Variants in NRXN1 observed in about 807,000 individuals in gnomAD.
NRXN1 encodes the protein neurexin-1.
In NRXN1, 39 loss-of-function variants were observed where a neutral mutation model predicts 150.9. That is an observed-to-expected ratio of 0.26 (90% CI 0.20 to 0.34). The LOEUF is 0.34. Ranked by LOEUF, NRXN1 falls within the 10% of genes least tolerant of loss-of-function variation. The pLI, the probability that NRXN1 is intolerant of heterozygous loss-of-function variation, is 1.00. For synonymous variants in NRXN1, 924 were observed against 757.0 expected, an observed-to-expected ratio of 1.22 and a Z score of -3.62; for missense variants, 1,815 against 1,949.9, an observed-to-expected ratio of 0.93 and a Z score of 1.30.
chr2:50,409,435 T>C (rs185763286), intron 17 of NRXN1, among the ~76,000 whole-genome samples: 158 of 152,372 alleles, frequency 1.0e-3, no homozygotes, highest in Admixed American at 2.2e-3. Flanking sequence ...TTGCTGTGTT[T>C]TTAGGCAGTG....
At chr2:50,452,615 G>C (rs2087079648) in intron 17 of NRXN1, among the ~76,000 whole-genome samples, 1 of 152,146 alleles carries the variant, frequency 6.6e-6, no homozygotes, top group South Asian at 2.1e-4. Context: ...GGAATTGCTG[G>C]TAAACTGGAA....
At chr2:50,115,566 G>A (rs901086516) in intron 18 of NRXN1, among the ~76,000 whole-genome samples, 2 of 151,898 alleles carry the variant, frequency 1.3e-5, no homozygotes, top group Non-Finnish European at 2.9e-5. Flanking sequence ...ACCAGTGAGG[G>A]GTATAAGTGA....
chr2:50,689,325 A>G (rs1309848001), intron 5 of NRXN1, among the ~76,000 whole-genome samples: 1 of 152,142 alleles, frequency 6.6e-6, no homozygotes, highest in East Asian at 1.9e-4. Context: ...GCCCTCAAAG[A>G]TTTCAACAAT....
At chr2:50,333,792 C>T (rs2076983984) in intron 17 of NRXN1, among the ~76,000 whole-genome samples, 1 of 151,904 alleles carries the variant, frequency 6.6e-6, no homozygotes, top group Non-Finnish European at 1.5e-5. Context: ...TTGGTCTCTG[C>T]ATTCTTGGCA....
intron 2 of NRXN1, among the ~76,000 whole-genome samples, chr2:50,938,924 T>C (rs1453985498): frequency 6.6e-6 from 1 of 151,990 alleles, no homozygotes; most frequent in Non-Finnish European, 1.5e-5. Context: ...AAAAATTAAA[T>C]GTAGGGGCTG....
chr2:51,027,577 C>A lies in NRXN1; in HGVS notation c.697G>T (p.Val233Leu). 1 of 1,606,422 alleles carries A rather than the reference C, an allele frequency of 6.2e-7. No homozygotes were observed. Among genetic ancestry groups the A allele is most frequent in the African/African-American group, 1.3e-5 (1 of 74,876 alleles). ...GCCTGGTCGTCCACCACGGAGCACA[C>A]ACCTCCGTTGAGGCACACCCCGCCC... ...GEGGVCLNGG[V>L]CSVVDDQAVC... Residue 233 changes from valine to leucine, a missense_variant, in exon 2 of 23, where the codon GTG becomes TTG. This residue lies in a region of NRXN1 where 554 missense variants were observed against 478.8 expected (regional missense o/e 1.16). Transcript: ENST00000401669.
chr2:50,725,532 T>A (rs1382066085), intron 5 of NRXN1, among the ~76,000 whole-genome samples: 2 of 152,154 alleles, frequency 1.3e-5, no homozygotes, highest in African/African-American at 4.8e-5. Flanking sequence ...CCACAAATCC[T>A]TTCCTTAAAA....
At chr2:50,034,825 T>C (rs1689773785) in intron 21 of NRXN1, among the ~76,000 whole-genome samples, 1 of 152,148 alleles carries the variant, frequency 6.6e-6, no homozygotes, top group African/African-American at 2.4e-5. Context: ...ATTTTCTATG[T>C]TGACTTACCT....
chr2:50,236,761 A>C (rs1410666355), intron 18 of NRXN1, 28 bp downstream of exon 18: 1 of 1,608,560 alleles, frequency 6.2e-7, no homozygotes, highest in African/African-American at 1.3e-5. Flanking sequence ...AAAAAGTAAA[A>C]GCTGAATCTT....
chr2:50,993,515 C>G (rs1332892696), intron 2 of NRXN1, among the ~76,000 whole-genome samples: 1 of 151,844 alleles, frequency 6.6e-6, no homozygotes, highest in Non-Finnish European at 1.5e-5. Flanking sequence ...TACCTTTATA[C>G]AATTAATTAG....
intron 5 of NRXN1, among the ~76,000 whole-genome samples, chr2:50,688,071 T>C (rs1691514105): frequency 6.6e-6 from 1 of 152,202 alleles, no homozygotes; most frequent in African/African-American, 2.4e-5. Context: ...TAGTAGAATG[T>C]TGGCTAGGTG....
intron 2 of NRXN1, among the ~76,000 whole-genome samples, chr2:51,011,281 C>A (rs1368501474): frequency 2.6e-5 from 4 of 151,902 alleles, no homozygotes; most frequent in African/African-American, 9.7e-5. Flanking sequence ...GACCCACTAA[C>A]GTTTATTGAA....
intron 19 of NRXN1, among the ~76,000 whole-genome samples, chr2:50,080,587 G>A (rs1469762099): frequency 6.6e-6 from 1 of 152,036 alleles, no homozygotes; most frequent in Non-Finnish European, 1.5e-5. Flanking sequence ...CTGAAACCAT[G>A]CATTTTGGTT....
chr2:50,220,912 C>T (rs1467815048), intron 18 of NRXN1, among the ~76,000 whole-genome samples: 2 of 151,974 alleles, frequency 1.3e-5, no homozygotes, highest in Non-Finnish European at 2.9e-5. Flanking sequence ...AGAAGATATG[C>T]ACACAAATCA....
At chr2:50,456,044 A>G (rs9917226) in intron 17 of NRXN1, among the ~76,000 whole-genome samples, 2,237 of 152,232 alleles carry the variant, frequency 0.015, 47 homozygotes, top group African/African-American at 0.051. Context: ...TGTACTTTAT[A>G]TCTTCTGCTA....
intron 5 of NRXN1, among the ~76,000 whole-genome samples, chr2:50,865,665 T>G (rs1011731070): frequency 9.2e-5 from 12 of 130,296 alleles, no homozygotes; most frequent in African/African-American, 3.4e-4. Context: ...AAAGTTTTTT[T>G]TTTTTTTTTT....
chr2:50,179,929 G>A (rs2060592908), intron 18 of NRXN1, among the ~76,000 whole-genome samples: 1 of 152,036 alleles, frequency 6.6e-6, no homozygotes, highest in African/African-American at 2.4e-5. Context: ...CCACGATTTT[G>A]ATTAAGCACT....
intron 5 of NRXN1, among the ~76,000 whole-genome samples, chr2:50,876,733 C>G: frequency 6.6e-6 from 1 of 151,770 alleles, no homozygotes; most frequent in East Asian, 1.9e-4. Context: ...TCCACATTTG[C>G]CTACCGTTCG....
At chr2:50,974,295 C>A (rs1266017347) in intron 2 of NRXN1, among the ~76,000 whole-genome samples, 1 of 152,098 alleles carries the variant, frequency 6.6e-6, no homozygotes, top group African/African-American at 2.4e-5. Context: ...ATTTTGGCCA[C>A]AATTAACTTA....
Sources: gnomAD v4.1 joint callset for allele counts (sites outside exome capture counted in the v4.1 genomes callset) on GRCh38, gnomAD v4.1.1 for gene constraint, gnomAD v4.1.1 regional missense constraint, MANE v1.5 for transcripts, NCBI Gene and HGNC (gene_info 2026-07-23, HGNC 2026-07-21) for gene names.